Variants in NELL1 observed in about 807,000 individuals in gnomAD.
The protein encoded by NELL1 is neural EGFL like 1.
NELL1 carries 76 observed loss-of-function variants against 107.4 expected under a neutral mutation model. That is an observed-to-expected ratio of 0.71 (90% CI 0.59 to 0.86). NELL1 has a LOEUF of 0.86. Ranked by LOEUF, NELL1 falls within the 40% of genes least tolerant of loss-of-function variation. NELL1 has a pLI of 0.00. For synonymous variants in NELL1, 353 were observed against 341.2 expected (o/e 1.03, Z -0.38); for missense variants, 1,024 against 1,005.5 (o/e 1.02, Z -0.25).
At chr11:20,759,945 C>T (rs1200386354) in intron 2 of NELL1, among the ~76,000 whole-genome samples, 1 of 152,196 alleles carries the variant, frequency 6.6e-6, no homozygotes, top group Admixed American at 6.5e-5. Flanking sequence ...ATCCTGTCTC[C>T]TGTGTGTTCT....
intron 4 of NELL1, among the ~76,000 whole-genome samples, chr11:20,869,679 G>A (rs16906943): frequency 0.14 from 20,952 of 152,140 alleles, 1,890 homozygotes; most frequent in African/African-American, 0.25. Flanking sequence ...CTGCTTTTCA[G>A]TTGCCCTAAA....
At chr11:21,066,471 T>C (rs1213638219) in intron 12 of NELL1, among the ~76,000 whole-genome samples, 5 of 152,230 alleles carry the variant, frequency 3.3e-5, no homozygotes, top group Non-Finnish European at 7.3e-5. Flanking sequence ...ACTAGGGATT[T>C]AGACTTTTCA....
At chr11:20,841,359 C>G (rs984481139) in intron 3 of NELL1, among the ~76,000 whole-genome samples, 1 of 146,314 alleles carries the variant, frequency 6.8e-6, no homozygotes, top group Non-Finnish European at 1.5e-5. Flanking sequence ...CTCATGTGGT[C>G]CCTCCTAGAT....
intron 2 of NELL1, among the ~76,000 whole-genome samples, chr11:20,691,993 T>C (rs1240890520): frequency 6.6e-6 from 1 of 152,124 alleles, no homozygotes; most frequent in Non-Finnish European, 1.5e-5. Flanking sequence ...AGATTCAACT[T>C]CTTCCTGGTT....
chr11:20,848,831 G>A (rs1033642614), intron 4 of NELL1, among the ~76,000 whole-genome samples: 44 of 152,200 alleles, frequency 2.9e-4, no homozygotes, highest in African/African-American at 1.1e-3. Flanking sequence ...GCAGGGAACT[G>A]TTGTCAGGCT....
At chr11:20,890,723 A>G (rs188912911) in intron 5 of NELL1, among the ~76,000 whole-genome samples, 71 of 152,182 alleles carry the variant, frequency 4.7e-4, no homozygotes, top group African/African-American at 1.7e-3. Flanking sequence ...ATACACAAGT[A>G]TCAATAGCTG....
chr11:21,451,811 A>G (rs1028160211), intron 15 of NELL1, among the ~76,000 whole-genome samples: 11 of 152,092 alleles, frequency 7.2e-5, no homozygotes, highest in Non-Finnish European at 1.2e-4. Context: ...TAATTACCCA[A>G]GTTTGGTTGG....
At chr11:21,353,285 T>C (rs1850858494) in intron 14 of NELL1, among the ~76,000 whole-genome samples, 2 of 152,126 alleles carry the variant, frequency 1.3e-5, no homozygotes, top group South Asian at 2.1e-4. Flanking sequence ...GTAAAAATCT[T>C]TGAGGTATGA....
At chr11:21,514,301 G>C (rs1163049776) in intron 15 of NELL1, among the ~76,000 whole-genome samples, 1 of 152,014 alleles carries the variant, frequency 6.6e-6, no homozygotes, top group Non-Finnish European at 1.5e-5. Flanking sequence ...GTGTATATTT[G>C]GCATATAAAA....
At chr11:20,808,736 C>A (rs1857438049) in intron 3 of NELL1, among the ~76,000 whole-genome samples, 1 of 152,218 alleles carries the variant, frequency 6.6e-6, no homozygotes, top group African/African-American at 2.4e-5. Flanking sequence ...TGACTAAATG[C>A]TCTCACTGTG....
intron 2 of NELL1, among the ~76,000 whole-genome samples, chr11:20,746,426 C>T (rs1856004183): frequency 6.6e-6 from 1 of 152,132 alleles, no homozygotes; most frequent in African/African-American, 2.4e-5. Context: ...CCACTCCAAC[C>T]TCAGACTTCT....
intron 12 of NELL1, among the ~76,000 whole-genome samples, chr11:20,968,886 T>C (rs1447380557): frequency 6.6e-6 from 1 of 152,080 alleles, no homozygotes; most frequent in Non-Finnish European, 1.5e-5. Context: ...CACATTTCAC[T>C]GGCCAGAACT....
chr11:21,336,051 T>A (rs1850387015), intron 14 of NELL1, among the ~76,000 whole-genome samples: 1 of 152,122 alleles, frequency 6.6e-6, no homozygotes, highest in Non-Finnish European at 1.5e-5. Flanking sequence ...ACATATAAAA[T>A]TTTTCAACAT....
At chr11:20,825,264 C>T (rs1272496283) in intron 3 of NELL1, among the ~76,000 whole-genome samples, 1 of 151,414 alleles carries the variant, frequency 6.6e-6, no homozygotes, top group African/African-American at 2.4e-5. Context: ...GTCAGAGCCT[C>T]CACACACAAT....
At position 20,944,508 on chromosome 11, in the gene NELL1, T is replaced by A. The variant is rs548578408; in HGVS notation, c.1072-2828T>A. Among the ~76,000 whole-genome samples the A allele has an allele frequency of 3.4e-4, 51 of 152,220 alleles. 1 individual carries two copies. Among genetic ancestry groups the A allele is most frequent in the Admixed American group, 2.0e-4 (3 of 15,274 alleles). ...CAATGGTTAGTACAGAACTTGAAAG[T>A]GTATGTATTTGACCAATGACATGGA... On this transcript the variant is annotated intron_variant, in intron 10 of 19. Transcript: ENST00000357134.
chr11:21,115,481 GTGC>G (rs1855213838), intron 13 of NELL1, among the ~76,000 whole-genome samples: 2 of 152,010 alleles, frequency 1.3e-5, no homozygotes, highest in African/African-American at 2.4e-5. Flanking sequence ...AGAAGGTTGG[GTGC>G]TGTGGAGGAC....
At chr11:21,071,561 T>C (rs139619039) in intron 12 of NELL1, among the ~76,000 whole-genome samples, 3 of 152,308 alleles carry the variant, frequency 2.0e-5, no homozygotes, top group Admixed American at 6.5e-5. Context: ...CCTCCTAAAC[T>C]TCAATGCCCT....
At chr11:20,970,607 T>A (rs1171431555) in intron 12 of NELL1, among the ~76,000 whole-genome samples, 1 of 152,078 alleles carries the variant, frequency 6.6e-6, no homozygotes, top group African/African-American at 2.4e-5. Context: ...TTCTTAAGAA[T>A]AAGATGTTCT....
chr11:21,359,031 A>C (rs1332766228), intron 14 of NELL1, among the ~76,000 whole-genome samples: 2 of 152,064 alleles, frequency 1.3e-5, no homozygotes, highest in African/African-American at 4.8e-5. Flanking sequence ...GAAGTGGTAA[A>C]ACTGGGCATT....
Sources: allele counts gnomAD v4.1 joint callset (sites outside exome capture counted in the v4.1 genomes callset), GRCh38; gene constraint gnomAD v4.1.1; transcripts MANE v1.5; gene names NCBI Gene and HGNC (gene_info 2026-07-23, HGNC 2026-07-21).